Variants in HERC2 observed in about 807,000 individuals in gnomAD.
HERC2 encodes the protein HECT and RLD domain containing E3 ubiquitin protein ligase 2.
A neutral mutation model predicts 537.7 loss-of-function variants in HERC2; 102 were observed. The ratio of observed to expected loss-of-function variants is 0.19; its 90% CI spans 0.16 to 0.22. HERC2 has a LOEUF of 0.22. Among genes scored for constraint, HERC2 ranks in the 10% least tolerant of loss-of-function variants. The probability of loss-of-function intolerance (pLI) is 1.00; values close to 1 mark genes in which losing one functional copy is unlikely to be tolerated. For synonymous variants in HERC2, 2,224 were observed against 2,466.2 expected, an observed-to-expected ratio of 0.90 and a Z score of 2.91; for missense variants, 4,236 against 6,198.2, an observed-to-expected ratio of 0.68 and a Z score of 10.63.
chr15:28,155,494 A>G (rs1892905872), intron 69 of HERC2, among the ~76,000 whole-genome samples: 2 of 151,964 alleles, frequency 1.3e-5, no homozygotes, highest in East Asian at 3.9e-4. Flanking sequence ...TGTGGTTTTG[A>G]TTTGCATTTC....
chr15:28,154,434 C>T (rs921294403), intron 69 of HERC2, among the ~76,000 whole-genome samples: 2 of 152,160 alleles, frequency 1.3e-5, no homozygotes, highest in Non-Finnish European at 2.9e-5. Flanking sequence ...TGAAAACGGC[C>T]GTATCCTTAT....
chr15:28,305,077 G>A (rs1391237639), intron 2 of HERC2, among the ~76,000 whole-genome samples: 6 of 146,918 alleles, frequency 4.1e-5, no homozygotes, highest in African/African-American at 1.5e-4. Context: ...AGTATTCCAT[G>A]GTGTATATGT....
At chr15:28,152,130 G>A (rs371960392) in intron 70 of HERC2, among the ~76,000 whole-genome samples, 4 of 152,292 alleles carry the variant, frequency 2.6e-5, no homozygotes, top group South Asian at 2.1e-4. Flanking sequence ...ATGGGCCTCC[G>A]AATCGGGCAG....
At chr15:28,188,107 T>C (rs957377629) in intron 55 of HERC2, among the ~76,000 whole-genome samples, 1 of 152,110 alleles carries the variant, frequency 6.6e-6, no homozygotes, top group African/African-American at 2.4e-5. Context: ...CTCAGTTTTT[T>C]TTTTCTTTAG....
chr15:28,226,295 G>A (rs1901158965), intron 35 of HERC2, among the ~76,000 whole-genome samples: 1 of 152,084 alleles, frequency 6.6e-6, no homozygotes, highest in South Asian at 2.1e-4. Flanking sequence ...AAGTTCATGT[G>A]AAAATGCAAG....
chr15:28,213,014 C>G (rs951402818), intron 42 of HERC2: 3 of 149,676 alleles, frequency 2.0e-5, no homozygotes, highest in Admixed American at 1.3e-4. Flanking sequence ...GAGTTTGAGA[C>G]CAGCCCGGCC....
Position 28,130,450 on chromosome 15 carries a change from AC to A in HERC2, c.12662+52del. 5.7e-6 allele frequency: 9 copies of A among 1,579,878 alleles called. No homozygotes were observed. In the South Asian group the frequency reaches 1.0e-4, roughly 17 times the overall value. On this transcript the variant is annotated intron_variant, in intron 82 of 92. Coordinates refer to ENST00000261609, the MANE Select transcript of HERC2 (RefSeq NM_004667.6). The stretch of plus-strand genomic sequence containing the variant: ...CCATCCATGAAAAGGTGGTGCACAT[AC>A]CCCAATAAAAATCTGGTTTTAGTGG...
At chr15:28,256,887 G>A (rs1255353025) in intron 17 of HERC2, among the ~76,000 whole-genome samples, 174 bp downstream of exon 17, 25 of 152,134 alleles carry the variant, frequency 1.6e-4, no homozygotes, top group Admixed American at 2.0e-4. Flanking sequence ...GAGCCACCGC[G>A]CCCAGCCCAG....
chr15:28,198,267 TTTC>T, intron 50 of HERC2, 108 bp downstream of exon 50: 1 of 1,274,312 alleles, frequency 7.8e-7, no homozygotes, highest in Non-Finnish European at 1.1e-6. Flanking sequence ...ACACTCTATC[TTTC>T]TTCAACACTT....
At chr15:28,199,667 T>A (rs1897705022) in intron 48 of HERC2, among the ~76,000 whole-genome samples, 3 of 152,156 alleles carry the variant, frequency 2.0e-5, no homozygotes, top group Admixed American at 2.0e-4. Context: ...TAATACAGAA[T>A]GTCATCAAGG....
At chr15:28,223,529 G>A (rs1010171755) in intron 35 of HERC2, among the ~76,000 whole-genome samples, 19 of 152,028 alleles carry the variant, frequency 1.2e-4, no homozygotes, top group South Asian at 2.1e-4. Context: ...CCCAGGAAGG[G>A]GCCCCAAGGA....
intron 35 of HERC2, 42 bp downstream of exon 35, chr15:28,228,176 C>A: frequency 6.6e-7 from 1 of 1,526,454 alleles, no homozygotes; most frequent in Non-Finnish European, 9.0e-7. Context: ...AAAGCAAAAT[C>A]TTGACATTTT....
chr15:28,317,161 G>A (rs1036868323), intron 2 of HERC2, among the ~76,000 whole-genome samples: 1 of 151,978 alleles, frequency 6.6e-6, no homozygotes, highest in Non-Finnish European at 1.5e-5. Flanking sequence ...CATGATCTCG[G>A]CTCACTGCAA....
At chr15:28,179,345 C>G (rs1212919106) in intron 57 of HERC2, 122 bp from the exon 58 acceptor site, 2 of 751,624 alleles carry the variant, frequency 2.7e-6, no homozygotes, top group Non-Finnish European at 4.4e-6. Flanking sequence ...ACATTTCACT[C>G]AACCACAGGC....
At chr15:28,159,836 C>T (rs1211110302) in intron 69 of HERC2, among the ~76,000 whole-genome samples, 1 of 152,224 alleles carries the variant, frequency 6.6e-6, no homozygotes, top group Non-Finnish European at 1.5e-5. Flanking sequence ...AGTTTTTCTG[C>T]TCTGTTTTTT....
chr15:28,301,371 T>C (rs1260491870), intron 2 of HERC2, among the ~76,000 whole-genome samples: 4 of 151,500 alleles, frequency 2.6e-5, no homozygotes, highest in African/African-American at 7.3e-5. Context: ...GCCAAGACTA[T>C]GCCACTGCAC....
chr15:28,114,012 CTG>C (rs778996571), intron 90 of HERC2, among the ~76,000 whole-genome samples: 23 of 152,230 alleles, frequency 1.5e-4, no homozygotes, highest in Admixed American at 5.2e-4. Context: ...GCCCGAGACA[CTG>C]TGCTGACCCA....
Position 28,185,045 on chromosome 15 carries a change from C to T in HERC2, c.8825+1532G>A, listed in dbSNP as rs142055786. On this transcript the variant is annotated intron_variant, in intron 56 of 92. Coordinates refer to ENST00000261609, the MANE Select transcript of HERC2 (RefSeq NM_004667.6). ...CCTATTTAATTAATATCTACAGATG[C>T]AATCAGTTTGAACTACAGCATATAG... Among the ~76,000 whole-genome samples, 353 of 148,068 alleles carry T rather than the reference C, an allele frequency of 2.4e-3. 1 individual carries two copies. The highest frequency in any genetic ancestry group is 8.3e-3 in the African/African-American group (333 of 39,960).
At chr15:28,193,209 C>A (rs1280012633) in intron 52 of HERC2, among the ~76,000 whole-genome samples, 1 of 152,086 alleles carries the variant, frequency 6.6e-6, no homozygotes, top group Non-Finnish European at 1.5e-5. Flanking sequence ...CACAAAGGCT[C>A]CATATATTGG....
Sources: gnomAD v4.1 joint callset for allele counts (sites outside exome capture counted in the v4.1 genomes callset) on GRCh38, gnomAD v4.1.1 for gene constraint, MANE v1.5 for transcripts, NCBI Gene and HGNC (gene_info 2026-07-23, HGNC 2026-07-21) for gene names.